SLCO1A2: variants seen among roughly 807,000 people sequenced by gnomAD.
SLCO1A2 encodes OATP-1.
SLCO1A2 carries 67 observed loss-of-function variants against 69.0 expected under a neutral mutation model. The observed-to-expected ratio is 0.97, with a 90% confidence interval of 0.80 to 1.19. The LOEUF is 1.19. Among genes scored for constraint, SLCO1A2 ranks in the 50% most tolerant of loss-of-function variants. SLCO1A2 has a pLI of 0.00. For synonymous variants in SLCO1A2, 260 were observed against 265.9 expected (o/e 0.98, Z 0.22); for missense variants, 787 against 793.7 (o/e 0.99, Z 0.10).
chr12:21,375,628 T>G (rs1940137626), intron 1 of SLCO1A2, among the ~76,000 whole-genome samples: 1 of 152,204 alleles, frequency 6.6e-6, no homozygotes. Flanking sequence ...ATTACATAGA[T>G]GCCAAGATGC....
chr12:21,342,561 T>G (rs1429787201), intron 2 of SLCO1A2, among the ~76,000 whole-genome samples: 2 of 152,020 alleles, frequency 1.3e-5, no homozygotes, highest in African/African-American at 2.4e-5. Flanking sequence ...AATTTATTTC[T>G]TAACAGGCCA....
chr12:21,415,746 T>C (rs1052025193), intron 1 of SLCO1A2, among the ~76,000 whole-genome samples: 1 of 152,134 alleles, frequency 6.6e-6, no homozygotes, highest in African/African-American at 2.4e-5. Context: ...CTATAGTATA[T>C]GTGTATGTGC....
At chr12:21,297,079 T>C (rs1947830430) in intron 9 of SLCO1A2, among the ~76,000 whole-genome samples, 1 of 152,168 alleles carries the variant, frequency 6.6e-6, no homozygotes, top group Non-Finnish European at 1.5e-5. Flanking sequence ...CACAATCCTA[T>C]CTGAAAATAT....
intron 2 of SLCO1A2, among the ~76,000 whole-genome samples, chr12:21,370,839 C>T (rs1192827923): frequency 6.6e-6 from 1 of 152,162 alleles, no homozygotes; most frequent in Non-Finnish European, 1.5e-5. Context: ...GGTATGCTTT[C>T]TACATCACTG....
intron 6 of SLCO1A2, among the ~76,000 whole-genome samples, chr12:21,303,209 A>C (rs533435862): frequency 6.6e-6 from 1 of 152,210 alleles, no homozygotes; most frequent in African/African-American, 2.4e-5. Context: ...TATGGACCAC[A>C]TCATCCTCAT....
chr12:21,291,476 A>G (rs758632747), intron 12 of SLCO1A2, among the ~76,000 whole-genome samples: 33 of 152,212 alleles, frequency 2.2e-4, no homozygotes, highest in Non-Finnish European at 4.1e-4. Context: ...TGACTTGAGC[A>G]TTGTGATTAA....
At chr12:21,320,747 C>T (rs1202482364) in intron 2 of SLCO1A2, among the ~76,000 whole-genome samples, 2 of 152,126 alleles carry the variant, frequency 1.3e-5, no homozygotes, top group African/African-American at 2.4e-5. Flanking sequence ...GATCCGCCCA[C>T]CTTGGCCTCC....
At chr12:21,333,336 T>C (rs1257203557) in intron 2 of SLCO1A2, among the ~76,000 whole-genome samples, 1 of 152,132 alleles carries the variant, frequency 6.6e-6, no homozygotes, top group African/African-American at 2.4e-5. Flanking sequence ...TCATGTCTAG[T>C]GCTAAATAAT....
intron 2 of SLCO1A2, among the ~76,000 whole-genome samples, chr12:21,361,769 T>G (rs1446606932): frequency 1.3e-5 from 2 of 152,128 alleles, no homozygotes; most frequent in African/African-American, 4.8e-5. Context: ...AGTAGCCGAT[T>G]TGATCAAATA....
At chr12:21,315,243 G>T (rs1348389289) in intron 3 of SLCO1A2, among the ~76,000 whole-genome samples, 2 of 152,108 alleles carry the variant, frequency 1.3e-5, no homozygotes, top group Non-Finnish European at 2.9e-5. Context: ...AGACAATGCA[G>T]TGAAGTAAAA....
intron 11 of SLCO1A2, among the ~76,000 whole-genome samples, chr12:21,293,009 G>A (rs1168990913): frequency 6.6e-6 from 1 of 152,058 alleles, no homozygotes; most frequent in Non-Finnish European, 1.5e-5. Context: ...TGCTTCAAAG[G>A]AATAGTTTAT....
chr12:21,363,226 T>C (rs1170052838), intron 2 of SLCO1A2, among the ~76,000 whole-genome samples: 8 of 152,098 alleles, frequency 5.3e-5, no homozygotes, highest in Non-Finnish European at 1.2e-4. Flanking sequence ...AAACTAGAAC[T>C]CAGGATTAAG....
At chr12:21,389,355 C>T (rs1430060813) in intron 1 of SLCO1A2, among the ~76,000 whole-genome samples, 1 of 152,044 alleles carries the variant, frequency 6.6e-6, no homozygotes, top group Non-Finnish European at 1.5e-5. Context: ...TAAAACTTAA[C>T]TTAGTCTGTA....
At position 21,274,504 on chromosome 12, in the gene SLCO1A2, T is replaced by C. The variant is rs775363754; in HGVS notation, c.1758A>G (p.Ser586=). The C allele has an allele frequency of 1.9e-6, 3 of 1,613,180 alleles. No homozygotes were observed. Among genetic ancestry groups the C allele is most frequent in the African/African-American group, 1.3e-5 (1 of 74,910 alleles). Residue 586 remains serine (S), a synonymous_variant, in exon 14 of 15, where the codon TCA becomes TCG. Transcript: ENST00000683939. Reference sequence around the variant, plus strand: ...TGGAATCATATATCCTGCATGCCCCTGACTCACCACATTTCAAAGTTCCCC... The same window carrying C: ...TGGAATCATATATCCTGCATGCCCCCGACTCACCACATTTCAAAGTTCCCC... ...LHWGTLKCGE[S]GACRIYDSTT...
intron 8 of SLCO1A2, among the ~76,000 whole-genome samples, chr12:21,298,236 T>C (rs544477328): frequency 6.6e-6 from 1 of 152,294 alleles, no homozygotes; most frequent in African/African-American, 2.4e-5. Context: ...CTAAGGACTA[T>C]GTAAATGATT....
intron 1 of SLCO1A2, chr12:21,378,506 G>C (rs1300469209): frequency 3.5e-6 from 4 of 1,144,546 alleles, no homozygotes; most frequent in Non-Finnish European, 5.3e-6. Flanking sequence ...TTCATCTCCA[G>C]TGTGAATATA....
At chr12:21,418,848 T>A (rs897743692), upstream of SLCO1A2, among the ~76,000 whole-genome samples, 1 of 152,130 alleles carries the variant, frequency 6.6e-6, no homozygotes, top group African/African-American at 2.4e-5. Flanking sequence ...CTACCACCTG[T>A]AGGCAAAATT....
At chr12:21,385,200 G>A (rs1940816150) in intron 1 of SLCO1A2, among the ~76,000 whole-genome samples, 1 of 152,144 alleles carries the variant, frequency 6.6e-6, no homozygotes, top group Admixed American at 6.5e-5. Flanking sequence ...AGGAGGCTGT[G>A]GTCCCACATA....
intron 2 of SLCO1A2, among the ~76,000 whole-genome samples, chr12:21,331,369 G>A (rs1952604038): frequency 6.6e-6 from 1 of 152,076 alleles, no homozygotes; most frequent in Non-Finnish European, 1.5e-5. Flanking sequence ...CAGAAACCAA[G>A]CGCATAATTT....
Sources: gnomAD v4.1 joint callset for allele counts (sites outside exome capture counted in the v4.1 genomes callset) on GRCh38, gnomAD v4.1.1 for gene constraint, MANE v1.5 for transcripts, NCBI Gene and HGNC (gene_info 2026-07-23, HGNC 2026-07-21) for gene names.